CFAP92: variants seen among roughly 807,000 people sequenced by gnomAD.
CFAP92 encodes cilia and flagella associated protein 92 (putative).
CFAP92 carries 86 observed loss-of-function variants against 106.3 expected under a neutral mutation model. The observed-to-expected ratio is 0.81, with a 90% CI of 0.68 to 0.97. CFAP92 has a LOEUF of 0.97. Among genes scored for constraint, CFAP92 ranks in the 50% least tolerant of loss-of-function variants. The pLI, the probability that CFAP92 is intolerant of heterozygous loss-of-function variation, is 0.00. For synonymous variants in CFAP92, 477 were observed against 506.4 expected, an observed-to-expected ratio of 0.94 and a Z score of 0.78; for missense variants, 1,204 against 1,283.8, an observed-to-expected ratio of 0.94 and a Z score of 0.95.
Position 128,993,290 on chromosome 3 carries a change from G to C in CFAP92, c.15C>G (p.Ala5=), listed in dbSNP as rs370406948. The C allele has an allele frequency of 1.4e-4, 232 of 1,613,350 alleles. 2 individuals are homozygous for C. The African/African-American group carries it at 2.8e-3, about 19-fold the overall frequency. The change falls in exon 2 of 16, where the codon GCC becomes GCG. Residue 5 remains alanine, a synonymous_variant. Coordinates refer to ENST00000645291, the MANE Select transcript of CFAP92 (RefSeq NM_001394090.1). MSLH[A]WEWEEDPASI... ...TTGCGGGGTCCTCTTCCCACTCCCA[G>C]GCATGTAGCGACATGCTGCAGAGCG... is the stretch of plus-strand genomic sequence containing the variant.
At chr3:128,992,975 T>G in intron 2 of CFAP92, 68 bp downstream of exon 2, 5 of 1,585,678 alleles carry the variant, frequency 3.2e-6, no homozygotes, top group Non-Finnish European at 4.3e-6. Context: ...GTATGCGCCC[T>G]AAACTCCTGC....
chr3:129,016,224 A>G, the CFAP92 span, among the ~76,000 whole-genome samples: 4 of 152,122 alleles, frequency 2.6e-5, no homozygotes, highest in African/African-American at 9.7e-5. Context: ...TATTCTGCAT[A>G]TGGATTAAAG....
intron 9 of CFAP92, among the ~76,000 whole-genome samples, chr3:128,961,742 TACC>T (rs1941939364): frequency 6.6e-6 from 1 of 152,366 alleles, no homozygotes. Flanking sequence ...TACATTTTAT[TACC>T]CAATCTGCTC....
At chr3:129,017,607 A>G in the CFAP92 span, among the ~76,000 whole-genome samples, 2 of 152,184 alleles carry the variant, frequency 1.3e-5, no homozygotes, top group South Asian at 2.1e-4. Context: ...CTTCACCCAC[A>G]TTGCTTTCAT....
At chr3:128,962,783 A>G (rs1020973200) in intron 9 of CFAP92, among the ~76,000 whole-genome samples, 3 of 152,084 alleles carry the variant, frequency 2.0e-5, no homozygotes, top group African/African-American at 7.2e-5. Flanking sequence ...TCTCCTTACC[A>G]TTCCCCCATT....
intron 12 of CFAP92, among the ~76,000 whole-genome samples, chr3:128,931,493 G>A (rs62265283): frequency 4.5e-4 from 35 of 77,870 alleles, no homozygotes; most frequent in Middle Eastern, 6.3e-3. Flanking sequence ...ATGTATGTAT[G>A]TATATGTATA....
intron 10 of CFAP92, among the ~76,000 whole-genome samples, chr3:128,941,367 C>T (rs1199236172): frequency 6.7e-6 from 1 of 148,866 alleles, no homozygotes; most frequent in Non-Finnish European, 1.5e-5. Flanking sequence ...ATGTCTGCAA[C>T]AACTATAGTT....
chr3:128,960,462 T>A (rs966640507), intron 9 of CFAP92, among the ~76,000 whole-genome samples: 2 of 152,210 alleles, frequency 1.3e-5, no homozygotes, highest in Non-Finnish European at 2.9e-5. Flanking sequence ...CTCTTTCTCC[T>A]TTCAATCTTG....
At chr3:129,007,206 G>A (rs1204853853), upstream of CFAP92, among the ~76,000 whole-genome samples, 2 of 152,176 alleles carry the variant, frequency 1.3e-5, no homozygotes. Flanking sequence ...ACATTTTACT[G>A]GCTGGGGAGG....
chr3:128,987,658 T>A lies in CFAP92; in HGVS notation c.625A>T (p.Thr209Ser). 6.2e-7 allele frequency: 1 copy of A among 1,614,050 alleles called. No homozygotes were observed. The highest frequency in any genetic ancestry group is 8.5e-7 in the Non-Finnish European group (1 of 1,179,896). The change falls in exon 4 of 16, where the codon ACT becomes TCT. Residue 209 changes from threonine (T) to serine (S), a missense_variant. Coordinates refer to ENST00000645291, the MANE Select transcript of CFAP92 (RefSeq NM_001394090.1). ...CCCACGTCGTCTGTGAAGCCGGCAG[T>A]CTTTAATCGGTAATATCTGACTTTT... ...SRKVRYYRLK[T>S]AGFTDDVGAF...
chr3:128,912,104 G>C (rs1936389084), intron 15 of CFAP92, among the ~76,000 whole-genome samples: 1 of 152,200 alleles, frequency 6.6e-6, no homozygotes, highest in African/African-American at 2.4e-5. Flanking sequence ...TGTGGCACTT[G>C]CTGAGAGTGG....
chr3:128,978,423 A>T (rs1020504393), intron 4 of CFAP92: 5 of 343,020 alleles, frequency 1.5e-5, no homozygotes, highest in Non-Finnish European at 2.1e-5. Context: ...GTACATACCT[A>T]AGTTTAAAAA....
chr3:128,971,460 C>T, intron 7 of CFAP92, 27 bp from the exon 8 acceptor site: 1 of 1,539,608 alleles, frequency 6.5e-7, no homozygotes, highest in African/African-American at 1.4e-5. Context: ...AGGAGATGAG[C>T]ATTAAGAGGA....
At position 128,932,860 on chromosome 3, in the gene CFAP92, T is replaced by G; in HGVS notation, c.2591A>C (p.Lys864Thr). The G allele has an allele frequency of 6.5e-7, 1 of 1,536,212 alleles. No individual in the cohort carries two copies. Among genetic ancestry groups the G allele is most frequent in the Non-Finnish European group, 8.7e-7 (1 of 1,146,920 alleles). ...AGGCTGAGGTGGTAGGGCAAACAGT[T>G]TCTCATCTGTGAGTTCTTCTTGCGA... is the stretch of plus-strand genomic sequence containing the variant. ...PLSQEELTDE[K>T]LFALPPQPAP... is the part of the protein sequence containing the mutation. The change falls in exon 12 of 16, where the codon AAA (lysine) becomes ACA (threonine). Residue 864 changes from lysine to threonine, a missense_variant. By Grantham distance (78) the Lys-to-Thr change is moderately conservative. Transcript: ENST00000645291.
rs372145315 is a variant in CFAP92 at position 128,971,280 on chromosome 3, T to G, written c.1168+7A>C. 5.1e-5 allele frequency: 83 copies of G among 1,613,566 alleles called. No individual in the cohort carries two copies. The highest frequency in any genetic ancestry group is 6.9e-5 in the Non-Finnish European group (81 of 1,179,844). Reference sequence around the variant, plus strand: ...GAGCTGCTGGGAACAGGGCAAGCAGTGGGTACCGGCAAGGAGCGGCATGAC... The same window carrying G: ...GAGCTGCTGGGAACAGGGCAAGCAGGGGGTACCGGCAAGGAGCGGCATGAC... On this transcript the variant is annotated splice_region_variant and intron_variant, in intron 8 of 15. Transcript: ENST00000645291.
intron 10 of CFAP92, among the ~76,000 whole-genome samples, chr3:128,936,618 C>T (rs375708557): frequency 9.9e-5 from 15 of 152,180 alleles, no homozygotes; most frequent in East Asian, 3.9e-4. Context: ...TATCTTATAG[C>T]TACTGACACC....
At chr3:129,017,607 A>AT in the CFAP92 span, among the ~76,000 whole-genome samples, 19 of 152,066 alleles carry the variant, frequency 1.2e-4, no homozygotes. Context: ...CTTCACCCAC[A>AT]TTGCTTTCAT....
chr3:128,955,049 A>G (rs1941239169), intron 9 of CFAP92, among the ~76,000 whole-genome samples: 1 of 9,630 alleles, frequency 1.0e-4, no homozygotes, highest in African/African-American at 2.3e-3. Flanking sequence ...CTGGGAAGTG[A>G]GGAGCCCCTC....
chr3:128,992,924 GC>G (rs1576655860), intron 2 of CFAP92, 118 bp downstream of exon 2: 6 of 1,252,244 alleles, frequency 4.8e-6, no homozygotes, highest in Non-Finnish European at 6.8e-6. Context: ...GCACTGGCCA[GC>G]CCGCTTTGGG....
Sources: allele counts gnomAD v4.1 joint callset (sites outside exome capture counted in the v4.1 genomes callset), GRCh38; gene constraint gnomAD v4.1.1; transcripts MANE v1.5; gene names NCBI Gene and HGNC (gene_info 2026-07-23, HGNC 2026-07-21).